The following CTCF variants were observed in gnomAD, a reference collection of about 807,000 sequenced individuals.
The protein encoded by CTCF is transcriptional repressor CTCF.
Under a neutral mutation model 72.3 loss-of-function variants are expected in CTCF, and 7 were observed. The observed-to-expected ratio is 0.10, with a 90% CI of 0.06 to 0.18. The LOEUF is 0.18. CTCF is among the 10% of genes least tolerant of loss of function. The probability of loss-of-function intolerance (pLI) is 1.00; values close to 1 mark genes in which losing one functional copy is unlikely to be tolerated. For missense variants in CTCF, 516 were observed against 949.1 expected (o/e 0.54, Z 6.00); for synonymous variants, 374 against 315.8 (o/e 1.18, Z -1.95).
At chr16:67,597,172 C>T (rs147104136) in intron 2 of CTCF, among the ~76,000 whole-genome samples, 1,766 of 152,056 alleles carry the variant, frequency 0.012, 48 homozygotes, top group African/African-American at 0.041. Flanking sequence ...ATAGCTGAGA[C>T]CCCAGGCGCA....
chr16:67,573,056 G>T (rs2051446396), intron 2 of CTCF, among the ~76,000 whole-genome samples: 1 of 149,856 alleles, frequency 6.7e-6, no homozygotes, highest in Non-Finnish European at 1.5e-5. Flanking sequence ...TTCGGGACCA[G>T]CCTGGCCAAC....
At chr16:67,632,106 C>T (rs1400793116) in intron 10 of CTCF, among the ~76,000 whole-genome samples, 1 of 149,126 alleles carries the variant, frequency 6.7e-6, no homozygotes, top group Non-Finnish European at 1.5e-5. Context: ...AAAATTATTG[C>T]ACTGAACTGT....
chr16:67,620,211 C>A (rs1178222500), intron 5 of CTCF, among the ~76,000 whole-genome samples: 1 of 151,364 alleles, frequency 6.6e-6, no homozygotes, highest in Admixed American at 6.6e-5. Flanking sequence ...AATGCGCAGT[C>A]TTTTTTTTTG....
intron 8 of CTCF, chr16:67,627,232 C>T (rs2142863728): frequency 6.6e-6 from 1 of 152,154 alleles, no homozygotes; most frequent in East Asian, 1.9e-4. Flanking sequence ...GGCTCGAGCG[C>T]CTGTAATCCC....
At chr16:67,575,540 G>A (rs143912820) in intron 2 of CTCF, among the ~76,000 whole-genome samples, 2,250 of 152,134 alleles carry the variant, frequency 0.015, 20 homozygotes, top group Non-Finnish European at 0.024. Flanking sequence ...TGCTTCCCGG[G>A]TTCAACCGAT....
At chr16:67,600,345 C>A (rs1030364815) in intron 2 of CTCF, among the ~76,000 whole-genome samples, 2 of 151,860 alleles carry the variant, frequency 1.3e-5, no homozygotes, top group Non-Finnish European at 2.9e-5. Context: ...CTCAAATGAT[C>A]CTCCTGCCTC....
At chr16:67,582,251 G>A (rs921964741) in intron 2 of CTCF, among the ~76,000 whole-genome samples, 1 of 151,976 alleles carries the variant, frequency 6.6e-6, no homozygotes, top group Non-Finnish European at 1.5e-5. Context: ...CAAATTAGTA[G>A]GAACTTTGTT....
intron 2 of CTCF, among the ~76,000 whole-genome samples, chr16:67,592,388 G>A (rs368346062): frequency 1.2e-4 from 19 of 152,154 alleles, no homozygotes; most frequent in East Asian, 9.7e-4. Flanking sequence ...TCCAGCCTGG[G>A]TGGCAGAGCA....
chr16:67,567,444 T>C (rs1379478302), intron 1 of CTCF, among the ~76,000 whole-genome samples: 1 of 152,192 alleles, frequency 6.6e-6, no homozygotes, highest in African/African-American at 2.4e-5. Context: ...CACCTATTTG[T>C]GTTACTAAAA....
At chr16:67,567,556 CAT>C (rs532466901) in intron 1 of CTCF, among the ~76,000 whole-genome samples, 31 of 152,042 alleles carry the variant, frequency 2.0e-4, no homozygotes, top group Non-Finnish European at 3.5e-4. Context: ...AGATGTACCT[CAT>C]GTGCCAAATT....
At chr16:67,626,467 A>G in intron 7 of CTCF, 88 bp from the exon 8 acceptor site, 1 of 1,026,794 alleles carries the variant, frequency 9.7e-7, no homozygotes, top group South Asian at 2.9e-5. Context: ...AAAAAAAAAA[A>G]AAAAAAGAAT....
chr16:67,582,983 CTT>C (rs550423023), intron 2 of CTCF, among the ~76,000 whole-genome samples: 11 of 135,944 alleles, frequency 8.1e-5, no homozygotes, highest in Non-Finnish European at 6.4e-5. Flanking sequence ...TCTTATTTTT[CTT>C]TTTTTTTTTT....
intron 2 of CTCF, among the ~76,000 whole-genome samples, chr16:67,596,203 T>C (rs550909717): frequency 3.3e-5 from 5 of 152,238 alleles, no homozygotes; most frequent in Admixed American, 3.3e-4. Flanking sequence ...CTGCCCGCCT[T>C]GGCCTCCCAA....
chr16:67,613,333 G>T (rs1254946192), intron 4 of CTCF, among the ~76,000 whole-genome samples: 1 of 152,174 alleles, frequency 6.6e-6, no homozygotes, highest in African/African-American at 2.4e-5. Flanking sequence ...TGTGCTGGTT[G>T]TCAGATGACC....
chr16:67,578,135 AACC>A (rs2051526269), intron 2 of CTCF, among the ~76,000 whole-genome samples: 1 of 152,102 alleles, frequency 6.6e-6, no homozygotes, highest in African/African-American at 2.4e-5. Context: ...AATTTTCTGT[AACC>A]ACCACATTTA....
intron 2 of CTCF, among the ~76,000 whole-genome samples, chr16:67,601,154 G>C (rs1363922223): frequency 2.0e-5 from 3 of 151,956 alleles, no homozygotes; most frequent in Non-Finnish European, 4.4e-5. Context: ...TCAGAGGAGA[G>C]ACTCCCATCG....
intron 5 of CTCF, among the ~76,000 whole-genome samples, chr16:67,617,662 A>G (rs1333500945): frequency 6.6e-6 from 1 of 152,222 alleles, no homozygotes; most frequent in Non-Finnish European, 1.5e-5. Flanking sequence ...AGCCTGGGCA[A>G]CAAGAGTGAA....
chr16:67,617,400 G>C (rs1324249601), intron 5 of CTCF, among the ~76,000 whole-genome samples: 2 of 152,228 alleles, frequency 1.3e-5, no homozygotes, highest in Admixed American at 1.3e-4. Context: ...TCGGGAGGCT[G>C]AGGCAGGAGA....
At chr16:67,579,524 A>G (rs961308798) in intron 2 of CTCF, among the ~76,000 whole-genome samples, 54 of 151,360 alleles carry the variant, frequency 3.6e-4, no homozygotes, top group African/African-American at 1.1e-3. Context: ...ATGCCCGGCT[A>G]ATTTTTGTAT....
Sources: allele counts gnomAD v4.1 joint callset (sites outside exome capture counted in the v4.1 genomes callset), GRCh38; gene constraint gnomAD v4.1.1; transcripts MANE v1.5; gene names NCBI Gene and HGNC (gene_info 2026-07-23, HGNC 2026-07-21).